Variants in KAZN observed in about 807,000 individuals in gnomAD.
The protein encoded by KAZN is kazrin.
A neutral mutation model predicts 87.4 loss-of-function variants in KAZN; 40 were observed. That is an observed-to-expected ratio of 0.46 (90% CI 0.36 to 0.60). The LOEUF (loss-of-function observed/expected upper bound fraction) is 0.60, where lower values mean the gene tolerates loss of function less well. Ranked by LOEUF, KAZN falls within the 20% of genes least tolerant of loss-of-function variation. The pLI, the probability that KAZN is intolerant of heterozygous loss-of-function variation, is 0.00. For missense variants in KAZN, 898 were observed against 1,073.9 expected (o/e 0.84, Z 2.29); for synonymous variants, 466 against 458.3 (o/e 1.02, Z -0.22).
At chr1:14,831,023 C>T (rs565644094) in intron 1 of KAZN, among the ~76,000 whole-genome samples, 1 of 152,288 alleles carries the variant, frequency 6.6e-6, no homozygotes, top group South Asian at 2.1e-4. Flanking sequence ...ATGACCCAGG[C>T]GCTCTCTCCC....
At chr1:14,295,313 G>A (rs1190013231) in intron 2 of KAZN, among the ~76,000 whole-genome samples, 1 of 152,130 alleles carries the variant, frequency 6.6e-6, no homozygotes, top group East Asian at 1.9e-4. Flanking sequence ...ATGTCCAGTT[G>A]TCTTTCCTTC....
At chr1:14,740,082 C>G (rs912088230) in intron 1 of KAZN, among the ~76,000 whole-genome samples, 2 of 152,110 alleles carry the variant, frequency 1.3e-5, no homozygotes, top group Non-Finnish European at 2.9e-5. Flanking sequence ...CCTTGCAAAG[C>G]GGGGTTTTTG....
At chr1:14,635,533 T>C (rs1020638220) in intron 1 of KAZN, among the ~76,000 whole-genome samples, 6 of 152,162 alleles carry the variant, frequency 3.9e-5, no homozygotes, top group African/African-American at 1.4e-4. Context: ...CTGTTCTACC[T>C]CTGTACTAAC....
rs190804337 is a variant in KAZN, at chr1:14,886,608, A to G, written c.227-74076A>G. Among the ~76,000 whole-genome samples, 298 of 152,240 alleles carry G rather than the reference A, an allele frequency of 2.0e-3. 3 individuals carry two copies. In the Middle Eastern group the frequency reaches 0.024, roughly 12 times the overall value. ...GGAGTTTGAGACCACTCTGACCAACATGGAGAAACCCTGTCTCTACTAAAA... is the reference window on the plus strand; with the variant it reads ...GGAGTTTGAGACCACTCTGACCAACGTGGAGAAACCCTGTCTCTACTAAAA... On this transcript the variant is annotated intron_variant, in intron 1 of 14. Transcript: ENST00000376030.
intron 1 of KAZN, among the ~76,000 whole-genome samples, chr1:14,822,770 T>C (rs1339803252): frequency 6.6e-6 from 1 of 152,098 alleles, no homozygotes; most frequent in Non-Finnish European, 1.5e-5. Flanking sequence ...CTCACCTCCA[T>C]CGCTGGCTCT....
rs1639239517 is a variant in KAZN, at chr1:15,066,546, GTTTC to G, written c.1222+801_1222+804del. 18 of 985,074 alleles carry G rather than the reference GTTTC, an allele frequency of 1.8e-5. No homozygotes were observed. Among genetic ancestry groups the G allele is most frequent in the Non-Finnish European group, 2.2e-5 (18 of 829,786 alleles). The allele number at this position is 985,074 out of a possible 1,614,324, so 61.0% of individuals were successfully genotyped here. On this transcript the variant is annotated intron_variant, in intron 8 of 14. Coordinates refer to ENST00000376030, the MANE Select transcript of KAZN (RefSeq NM_201628.3). This position sits in a 1 kb window ranked among gnomAD's most constrained non-coding sequence, Gnocchi z 4.3. Reference sequence around the variant, plus strand: ...CTACCAGTTTTTAAATTGCATTGCCGTTTCTTTCTTTATGAAAAAAAAGAAAAAA... The same window carrying G: ...CTACCAGTTTTTAAATTGCATTGCCGTTTCTTTATGAAAAAAAAGAAAAAA...
At chr1:14,196,333 G>A (rs927555334) in intron 2 of KAZN, among the ~76,000 whole-genome samples, 3 of 152,160 alleles carry the variant, frequency 2.0e-5, no homozygotes, top group African/African-American at 7.2e-5. Context: ...AGAGTAACCT[G>A]TACAATAGGG....
chr1:14,422,609 CT>C (rs2101326190), intron 2 of KAZN, among the ~76,000 whole-genome samples: 1 of 152,338 alleles, frequency 6.6e-6, no homozygotes, highest in South Asian at 2.1e-4. Flanking sequence ...CAGCTGCCCC[CT>C]GAAGGGTTGA....
chr1:14,232,238 GTT>G (rs1188477273), intron 2 of KAZN, among the ~76,000 whole-genome samples: 1 of 152,168 alleles, frequency 6.6e-6, no homozygotes, highest in Non-Finnish European at 1.5e-5. Context: ...GTTTTAGGTA[GTT>G]TTGTGGCTGT....
chr1:14,872,850 G>A (rs757870420), intron 1 of KAZN, among the ~76,000 whole-genome samples: 10 of 151,614 alleles, frequency 6.6e-5, no homozygotes, highest in Non-Finnish European at 1.3e-4. Context: ...ATGTACAGAC[G>A]GATACATAGA....
chr1:14,546,319 G>A (rs901583495), intron 2 of KAZN, among the ~76,000 whole-genome samples: 1 of 152,170 alleles, frequency 6.6e-6, no homozygotes, highest in Non-Finnish European at 1.5e-5. Context: ...CTTCCAGAGA[G>A]AAAATGGAAA....
At chr1:14,875,883 G>A (rs759483387) in intron 1 of KAZN, among the ~76,000 whole-genome samples, 2 of 152,200 alleles carry the variant, frequency 1.3e-5, no homozygotes, top group African/African-American at 2.4e-5. Flanking sequence ...TTCCTGGAAG[G>A]GGGTAGATTT....
At chr1:13,896,079 C>T (rs571891868) in intron 1 of KAZN, among the ~76,000 whole-genome samples, 1 of 152,128 alleles carries the variant, frequency 6.6e-6, no homozygotes, top group East Asian at 1.9e-4. Flanking sequence ...GCAACCTCAA[C>T]CTCCTAGGCT....
chr1:14,170,378 G>GA (rs796501217), intron 1 of KAZN, among the ~76,000 whole-genome samples: 71 of 144,390 alleles, frequency 4.9e-4, no homozygotes, highest in Middle Eastern at 3.5e-3. Flanking sequence ...AAGGTAAAAA[G>GA]AAAAAAAAAA....
At position 14,076,924 on chromosome 1, in the gene KAZN, G is replaced by A. The variant is rs908631212; in HGVS notation, c.92-103511G>A. ...ACTAAAGATGCAAGGTGAGGATGCC[G>A]TTGTGCAGAGGAGGACTGTCGCTTG... is the stretch of plus-strand genomic sequence containing the variant. On this transcript the variant is annotated intron_variant, in intron 1 of 16. Transcript: ENST00000636203. Among the ~76,000 whole-genome samples the A allele has an allele frequency of 2.6e-5, 4 of 152,190 alleles. No homozygotes were observed. In the East Asian group the frequency reaches 5.8e-4, roughly 22 times the overall value.
rs112159965 is a variant in KAZN at position 14,062,682 on chromosome 1, C to T, written c.92-117753C>T. Reference sequence around the variant, plus strand: ...TACAACCTCTCTGCTGAGGAAGCTTCGAGTCTAGTGTGAAGGAGAATCAAT... The same window carrying T: ...TACAACCTCTCTGCTGAGGAAGCTTTGAGTCTAGTGTGAAGGAGAATCAAT... On this transcript the variant is annotated intron_variant, in intron 1 of 16. Transcript: ENST00000636203. Among the ~76,000 whole-genome samples the T allele has an allele frequency of 7.2e-3, 1,095 of 152,112 alleles. 10 individuals are homozygous for T. Among genetic ancestry groups the T allele is most frequent in the African/African-American group, 0.025 (1,044 of 41,500 alleles).
intron 2 of KAZN, among the ~76,000 whole-genome samples, chr1:14,484,527 G>GA (rs1396805662): frequency 6.6e-6 from 1 of 152,152 alleles, no homozygotes; most frequent in Non-Finnish European, 1.5e-5. Flanking sequence ...CCAAGTATAA[G>GA]AAAAAAGTAA....
intron 1 of KAZN, among the ~76,000 whole-genome samples, chr1:14,742,309 G>A (rs1644125787): frequency 1.3e-5 from 2 of 152,196 alleles, no homozygotes; most frequent in Admixed American, 1.3e-4. Context: ...GTGATGGCAA[G>A]GACTCTGCCT....
At chr1:14,650,624 T>G (rs1450785798) in intron 1 of KAZN, among the ~76,000 whole-genome samples, 1 of 152,240 alleles carries the variant, frequency 6.6e-6, no homozygotes, top group Admixed American at 6.5e-5. Context: ...TATATGAGAA[T>G]GTAGATCTAC....
Sources: allele counts gnomAD v4.1 joint callset (sites outside exome capture counted in the v4.1 genomes callset), GRCh38; gene constraint gnomAD v4.1.1; non-coding constraint Gnocchi (gnomAD v3.1); transcripts MANE v1.5; gene names NCBI Gene and HGNC (gene_info 2026-07-23, HGNC 2026-07-21).